The following ZNF385D variants were observed in gnomAD, a reference collection of about 807,000 sequenced individuals.
The protein encoded by ZNF385D is zinc finger protein 659.
Under a neutral mutation model 35.8 loss-of-function variants are expected in ZNF385D, and 15 were observed. The ratio of observed to expected loss-of-function variants is 0.42; its 90% CI spans 0.28 to 0.64. ZNF385D has a LOEUF of 0.64. Among genes scored for constraint, ZNF385D ranks in the 30% least tolerant of loss-of-function variants. The pLI, the probability that ZNF385D is intolerant of heterozygous loss-of-function variation, is 0.23. For synonymous variants in ZNF385D, 212 were observed against 186.8 expected, an observed-to-expected ratio of 1.13 and a Z score of -1.10; for missense variants, 474 against 494.6, an observed-to-expected ratio of 0.96 and a Z score of 0.39.
At chr3:21,762,702 A>C (rs1028760565) in intron 3 of ZNF385D, among the ~76,000 whole-genome samples, 1 of 152,180 alleles carries the variant, frequency 6.6e-6, no homozygotes, top group Non-Finnish European at 1.5e-5. Flanking sequence ...TTATAGACAG[A>C]CAGCCTTTCA....
chr3:22,188,316 C>A (rs1417286755), intron 2 of ZNF385D, among the ~76,000 whole-genome samples: 1 of 152,154 alleles, frequency 6.6e-6, no homozygotes, highest in Non-Finnish European at 1.5e-5. Flanking sequence ...GCAATTAAAA[C>A]AGTATTTCGT....
chr3:22,239,843 T>C (rs1176165698), intron 2 of ZNF385D, among the ~76,000 whole-genome samples: 2 of 150,680 alleles, frequency 1.3e-5, no homozygotes, highest in Non-Finnish European at 2.9e-5. Flanking sequence ...CATGTCTTCA[T>C]AGAAATTCTC....
chr3:22,092,459 G>C (rs1337923344), intron 3 of ZNF385D, among the ~76,000 whole-genome samples: 1 of 152,120 alleles, frequency 6.6e-6, no homozygotes, highest in African/African-American at 2.4e-5. Flanking sequence ...AGTGCTGCTT[G>C]TATGACACCT....
intron 3 of ZNF385D, among the ~76,000 whole-genome samples, chr3:21,841,017 A>G (rs1449453465): frequency 6.6e-6 from 1 of 152,044 alleles, no homozygotes; most frequent in Non-Finnish European, 1.5e-5. Context: ...GCTCCTGGTG[A>G]ATATGAATGT....
At chr3:22,145,783 AAG>A (rs1704812301) in intron 3 of ZNF385D, among the ~76,000 whole-genome samples, 1 of 152,168 alleles carries the variant, frequency 6.6e-6, no homozygotes, top group Admixed American at 6.5e-5. Flanking sequence ...TAGAGAGCCT[AAG>A]AGTGGAGGCC....
chr3:22,110,859 A>G (rs918266834), intron 3 of ZNF385D, among the ~76,000 whole-genome samples: 5 of 152,094 alleles, frequency 3.3e-5, no homozygotes, highest in Non-Finnish European at 7.4e-5. Flanking sequence ...ACTGAGGGGA[A>G]TATGGTAGGA....
chr3:22,351,109 T>C (rs1220251633), intron 2 of ZNF385D, among the ~76,000 whole-genome samples: 1 of 152,110 alleles, frequency 6.6e-6, no homozygotes, highest in East Asian at 1.9e-4. Context: ...TCTACAATTA[T>C]CTCAAAATAA....
chr3:22,184,797 C>A (rs894463588), intron 2 of ZNF385D, among the ~76,000 whole-genome samples: 2 of 152,088 alleles, frequency 1.3e-5, no homozygotes, highest in South Asian at 4.1e-4. Context: ...AGTGAAACTA[C>A]GTCTCAAACA....
intron 3 of ZNF385D, among the ~76,000 whole-genome samples, chr3:21,996,644 A>G (rs1253336667): frequency 6.6e-6 from 1 of 152,216 alleles, no homozygotes. Flanking sequence ...GCATAGTTGT[A>G]GTTGTTCAGA....
At chr3:21,966,376 C>T (rs887145287) in intron 3 of ZNF385D, among the ~76,000 whole-genome samples, 5 of 152,174 alleles carry the variant, frequency 3.3e-5, no homozygotes, top group African/African-American at 1.2e-4. Context: ...CATTTCCTAC[C>T]ATACCTGAAA....
intron 2 of ZNF385D, among the ~76,000 whole-genome samples, chr3:22,175,908 T>C (rs1270593628): frequency 6.7e-6 from 1 of 148,594 alleles, no homozygotes; most frequent in Non-Finnish European, 1.5e-5. Context: ...AAACATTAAA[T>C]ATATATTATA....
At chr3:21,717,913 A>G (rs1051275098) in intron 1 of ZNF385D, among the ~76,000 whole-genome samples, 1 of 152,202 alleles carries the variant, frequency 6.6e-6, no homozygotes, top group Non-Finnish European at 1.5e-5. Context: ...CTACATTCCT[A>G]TAGCAAAGCT....
At chr3:21,913,746 G>A (rs912539259) in intron 3 of ZNF385D, among the ~76,000 whole-genome samples, 4 of 152,024 alleles carry the variant, frequency 2.6e-5, no homozygotes, top group Non-Finnish European at 5.9e-5. Context: ...TATTTGGTGA[G>A]GATTAGTAAT....
chr3:21,915,405 G>A (rs754377816), intron 3 of ZNF385D, among the ~76,000 whole-genome samples: 12 of 152,040 alleles, frequency 7.9e-5, no homozygotes, highest in Non-Finnish European at 1.3e-4. Flanking sequence ...CCATTTAATA[G>A]CATTGTGTTA....
chr3:21,748,823 AATAC>A (rs772887647), intron 1 of ZNF385D, among the ~76,000 whole-genome samples: 58 of 152,286 alleles, frequency 3.8e-4, no homozygotes, highest in Non-Finnish European at 7.3e-4. Context: ...TACATATATA[AATAC>A]ATAGTCTTCA....
chr3:21,954,885 A>G (rs1425576256), intron 3 of ZNF385D, among the ~76,000 whole-genome samples: 1 of 152,126 alleles, frequency 6.6e-6, no homozygotes, highest in African/African-American at 2.4e-5. Context: ...TGACATAATG[A>G]AAAGGAATGT....
rs144991462 is a variant in ZNF385D, at chr3:22,307,304, T to G, written c.106+65146A>C. 4.5e-4 allele frequency among the ~76,000 whole-genome samples: 69 copies of G among 152,262 alleles called. 1 individual carries two copies. The highest frequency in any genetic ancestry group is 1.5e-3 in the African/African-American group (64 of 41,558). On this transcript the variant is annotated intron_variant, in intron 2 of 5. Transcript: ENST00000494108. ...CTGCAATGATAGATTAGAGTCATAA[T>G]GGAGAAATCTTTGAATGCCACAATG...
chr3:22,367,515 C>T (rs751308318), intron 2 of ZNF385D, among the ~76,000 whole-genome samples: 3 of 152,216 alleles, frequency 2.0e-5, no homozygotes, highest in Middle Eastern at 3.4e-3. Context: ...CTTTACATTC[C>T]AGGTGATCTG....
intron 3 of ZNF385D, among the ~76,000 whole-genome samples, chr3:22,048,726 T>C (rs1699162562): frequency 6.6e-6 from 1 of 152,200 alleles, no homozygotes; most frequent in Non-Finnish European, 1.5e-5. Context: ...TTAACTATTC[T>C]GGGTCTTTTG....
Sources: allele counts gnomAD v4.1 joint callset (sites outside exome capture counted in the v4.1 genomes callset), GRCh38; gene constraint gnomAD v4.1.1; transcripts MANE v1.5; gene names NCBI Gene and HGNC (gene_info 2026-07-23, HGNC 2026-07-21).